RELN: variants seen among roughly 807,000 people sequenced by gnomAD.
RELN encodes the protein reelin.
RELN carries 108 observed loss-of-function variants against 427.6 expected under a neutral mutation model. That is an observed-to-expected ratio of 0.25 (90% CI 0.22 to 0.30). The LOEUF (loss-of-function observed/expected upper bound fraction) is 0.30. RELN is among the 10% of genes least tolerant of loss of function. The pLI is 1.00. For missense variants in RELN, 3,715 were observed against 4,302.8 expected (o/e 0.86, Z 3.82); for synonymous variants, 1,524 against 1,513.4 (o/e 1.01, Z -0.16).
At chr7:103,908,078 C>A (rs1795257331) in intron 2 of RELN, among the ~76,000 whole-genome samples, 4 of 152,090 alleles carry the variant, frequency 2.6e-5, no homozygotes, top group Admixed American at 2.0e-4. Context: ...TATCCTCACA[C>A]TTACACTATC....
At chr7:103,852,671 T>TG (rs1171218136) in intron 2 of RELN, among the ~76,000 whole-genome samples, 3 of 142,114 alleles carry the variant, frequency 2.1e-5, no homozygotes, top group Non-Finnish European at 4.7e-5. Flanking sequence ...TCACCTTTGT[T>TG]TTTGTTGTTG....
intron 1 of RELN, among the ~76,000 whole-genome samples, chr7:103,979,738 G>C (rs554511288): frequency 6.6e-6 from 1 of 152,196 alleles, no homozygotes; most frequent in East Asian, 1.9e-4. Context: ...CCTAAAGAGA[G>C]GAATATACAA....
At chr7:103,488,086 T>G (rs894386265) in intron 60 of RELN, among the ~76,000 whole-genome samples, 5 of 151,882 alleles carry the variant, frequency 3.3e-5, no homozygotes, top group Non-Finnish European at 5.9e-5. Context: ...AGGCAGAGGT[T>G]GTAGTGAGCT....
chr7:103,512,617 T>C (rs932370452), intron 50 of RELN, among the ~76,000 whole-genome samples: 9 of 152,180 alleles, frequency 5.9e-5, no homozygotes, highest in Non-Finnish European at 1.5e-5. Flanking sequence ...CTCTCTCTCT[T>C]TCTCTCTTAA....
At chr7:103,754,506 C>G (rs1296092276) in intron 4 of RELN, among the ~76,000 whole-genome samples, 1 of 152,018 alleles carries the variant, frequency 6.6e-6, no homozygotes, top group Non-Finnish European at 1.5e-5. Flanking sequence ...AGAGAAGTAG[C>G]TCATGCCTGT....
At chr7:103,900,606 G>A (rs149203949) in intron 2 of RELN, among the ~76,000 whole-genome samples, 1 of 151,952 alleles carries the variant, frequency 6.6e-6, no homozygotes, top group East Asian at 1.9e-4. Context: ...AGTGGTACCA[G>A]ATGGGGTTTT....
rs572554032 is a variant in RELN at position 103,613,859 on chromosome 7, T to G, written c.2703-2056A>C. Among the ~76,000 whole-genome samples the G allele has an allele frequency of 6.6e-5, 10 of 152,300 alleles. No individual in the cohort carries two copies. The South Asian group carries it at 1.9e-3, about 28-fold the overall frequency. On this transcript the variant is annotated intron_variant, in intron 20 of 64. Coordinates refer to ENST00000428762, the MANE Select transcript of RELN (RefSeq NM_005045.4). ...CCACCTGAGCATTTCTGAAATAACT[T>G]AAGATTATTTTTACAATCAGCATCT...
At chr7:103,689,716 C>T (rs1341411922) in intron 10 of RELN, among the ~76,000 whole-genome samples, 1 of 152,090 alleles carries the variant, frequency 6.6e-6, no homozygotes. Context: ...AAACAAAAAG[C>T]CCTGCTCACA....
intron 3 of RELN, among the ~76,000 whole-genome samples, chr7:103,829,333 T>C (rs912119290): frequency 1.3e-5 from 2 of 151,620 alleles, no homozygotes; most frequent in East Asian, 1.9e-4. Context: ...TCCTCCTCCT[T>C]CTCCTTCTTC....
chr7:103,500,717 T>G (rs763729083), intron 53 of RELN, 28 bp downstream of exon 53: 1 of 1,612,804 alleles, frequency 6.2e-7, no homozygotes, highest in Admixed American at 1.7e-5. Flanking sequence ...ATGTGAGTAA[T>G]GCGTCTTGTC....
intron 46 of RELN, among the ~76,000 whole-genome samples, chr7:103,526,840 C>T (rs1404852870): frequency 2.0e-5 from 3 of 152,066 alleles, no homozygotes; most frequent in Non-Finnish European, 2.9e-5. Flanking sequence ...AGTTCCTCGG[C>T]AGGTGTTATC....
At chr7:103,539,724 A>ACAGGTTCTTT (rs1268495416) in intron 44 of RELN, among the ~76,000 whole-genome samples, 1 of 152,232 alleles carries the variant, frequency 6.6e-6, no homozygotes, top group Non-Finnish European at 1.5e-5. Flanking sequence ...CGGTTTGTTA[A>ACAGGTTCTTT]CAGGTTCTTT....
At chr7:103,982,060 G>T (rs528626110) in intron 1 of RELN, among the ~76,000 whole-genome samples, 1 of 152,204 alleles carries the variant, frequency 6.6e-6, no homozygotes, top group East Asian at 1.9e-4. Flanking sequence ...CAGCTATTCA[G>T]AAGGCTGCGG....
chr7:103,876,072 T>C (rs569338971), intron 2 of RELN, among the ~76,000 whole-genome samples: 1 of 152,274 alleles, frequency 6.6e-6, no homozygotes, highest in Non-Finnish European at 1.5e-5. Flanking sequence ...TGGAAATTTC[T>C]TTGTTTGATT....
At chr7:103,582,828 G>A (rs1196849566) in intron 28 of RELN, among the ~76,000 whole-genome samples, 1 of 152,142 alleles carries the variant, frequency 6.6e-6, no homozygotes, top group Non-Finnish European at 1.5e-5. Context: ...GAATGAGATA[G>A]GTTATGTTGC....
intron 8 of RELN, among the ~76,000 whole-genome samples, chr7:103,705,654 A>T (rs1316554570): frequency 6.6e-6 from 1 of 152,216 alleles, no homozygotes; most frequent in African/African-American, 2.4e-5. Context: ...GAGAGGTATT[A>T]CGTGTAGGGT....
At chr7:103,577,365 ATGT>A (rs1288533975) in intron 28 of RELN, among the ~76,000 whole-genome samples, 4 of 152,154 alleles carry the variant, frequency 2.6e-5, no homozygotes, top group Non-Finnish European at 2.9e-5. Context: ...GTAGCCAGTA[ATGT>A]TGTTTATTAG....
intron 16 of RELN, among the ~76,000 whole-genome samples, chr7:103,644,013 C>T (rs74436047): frequency 0.013 from 1,940 of 151,966 alleles, 29 homozygotes; most frequent in Non-Finnish European, 0.018. Context: ...ATATCTATAA[C>T]CAATGAACTC....
At chr7:103,741,343 T>C (rs1169857509) in intron 6 of RELN, among the ~76,000 whole-genome samples, 3 of 152,064 alleles carry the variant, frequency 2.0e-5, no homozygotes, top group African/African-American at 7.2e-5. Flanking sequence ...GTTGCTGTAA[T>C]GCTATTTTCA....
Sources: allele counts gnomAD v4.1 joint callset (sites outside exome capture counted in the v4.1 genomes callset), GRCh38; gene constraint gnomAD v4.1.1; transcripts MANE v1.5; gene names NCBI Gene and HGNC (gene_info 2026-07-23, HGNC 2026-07-21).